The following LHFPL2 variants were observed in gnomAD, a reference collection of about 807,000 sequenced individuals.
LHFPL2 encodes the protein LHFPL tetraspan subfamily member 2 protein.
In LHFPL2, 7 loss-of-function variants were observed where a neutral mutation model predicts 17.5. That is an observed-to-expected ratio of 0.40 (90% CI 0.23 to 0.75). The LOEUF (loss-of-function observed/expected upper bound fraction) is 0.75, where lower values mean the gene tolerates loss of function less well. Among genes scored for constraint, LHFPL2 ranks in the 30% least tolerant of loss-of-function variants. The pLI, the probability that LHFPL2 is intolerant of heterozygous loss-of-function variation, is 0.37. For missense variants in LHFPL2, 241 were observed against 294.8 expected, an observed-to-expected ratio of 0.82 and a Z score of 1.34; for synonymous variants, 134 against 116.2, an observed-to-expected ratio of 1.15 and a Z score of -0.99.
At chr5:78,613,392 A>T (rs1744483160) in intron 2 of LHFPL2, among the ~76,000 whole-genome samples, 1 of 152,190 alleles carries the variant, frequency 6.6e-6, no homozygotes, top group Non-Finnish European at 1.5e-5. Flanking sequence ...GTATGGTGAG[A>T]AAAGGATTCA....
chr5:78,571,155 C>T (rs760711102), intron 2 of LHFPL2, among the ~76,000 whole-genome samples: 9 of 152,128 alleles, frequency 5.9e-5, no homozygotes, highest in Non-Finnish European at 1.3e-4. Flanking sequence ...ACACACCCAC[C>T]CCCAGCTCAT....
rs1402350685 is a variant in LHFPL2, at chr5:78,584,341, T to C, written c.-244-19470A>G. On this transcript the variant is annotated intron_variant, in intron 2 of 4. Coordinates refer to ENST00000380345, the MANE Select transcript of LHFPL2 (RefSeq NM_005779.3). ...TTGCTGGTGAGGAACTGCATTCCTTTGGAGGAGGAGAGGCGCCCTGCTTTT... is the reference window on the plus strand; with the variant it reads ...TTGCTGGTGAGGAACTGCATTCCTTCGGAGGAGGAGAGGCGCCCTGCTTTT... Among the ~76,000 whole-genome samples, 2 of 152,252 alleles carry C rather than the reference T, an allele frequency of 1.3e-5. 1 individual carries two copies. Among genetic ancestry groups the C allele is most frequent in the East Asian group, 3.8e-4 (2 of 5,202 alleles).
At chr5:78,492,732 G>C (rs1205525316) in intron 4 of LHFPL2, among the ~76,000 whole-genome samples, 2 of 152,348 alleles carry the variant, frequency 1.3e-5, no homozygotes, top group South Asian at 4.1e-4. Flanking sequence ...CCTGTGGAAA[G>C]CTTCAGCTTG....
rs370347915 is a variant in LHFPL2 at position 78,510,328 on chromosome 5, C to T, written c.-115G>A. On this transcript the variant is annotated 5_prime_UTR_variant, in exon 4 of 5. Coordinates refer to ENST00000380345, the MANE Select transcript of LHFPL2 (RefSeq NM_005779.3). ...GAAGGAAGTCGCAGCTGCAGTCATT[C>T]ACTCCCGCCGCCGGCCGCGTTCATG... 1.9e-6 allele frequency: 2 copies of T among 1,041,546 alleles called. No homozygotes were observed. The highest frequency in any genetic ancestry group is 2.7e-6 in the Non-Finnish European group (2 of 729,348). 64.5% of individuals were successfully genotyped at this position (1,041,546 alleles called of 1,614,324 possible).
At chr5:78,574,547 T>G (rs994819594) in intron 2 of LHFPL2, among the ~76,000 whole-genome samples, 1 of 152,228 alleles carries the variant, frequency 6.6e-6, no homozygotes, top group Non-Finnish European at 1.5e-5. Flanking sequence ...GAACTATGTC[T>G]CAGATGCATT....
intron 2 of LHFPL2, among the ~76,000 whole-genome samples, chr5:78,580,796 G>C (rs1044361367): frequency 6.6e-6 from 1 of 151,956 alleles, no homozygotes; most frequent in African/African-American, 2.4e-5. Flanking sequence ...CTCCAGCTTT[G>C]TTCTTTTGGC....
chr5:78,618,851 C>A (rs1359220438), intron 2 of LHFPL2, among the ~76,000 whole-genome samples: 1 of 152,122 alleles, frequency 6.6e-6, no homozygotes, highest in Non-Finnish European at 1.5e-5. Flanking sequence ...CTTCGGGACT[C>A]GGAGCCTGAG....
intron 2 of LHFPL2, among the ~76,000 whole-genome samples, chr5:78,574,351 T>C (rs1757075642): frequency 6.6e-6 from 1 of 152,190 alleles, no homozygotes; most frequent in South Asian, 2.1e-4. Context: ...TGGGATATCC[T>C]TCCATGCCCT....
intron 2 of LHFPL2, among the ~76,000 whole-genome samples, chr5:78,604,402 G>T: frequency 6.6e-6 from 1 of 152,162 alleles, no homozygotes; most frequent in South Asian, 2.1e-4. Flanking sequence ...GCTTGAACCC[G>T]GGAGGCGGAG....
At chr5:78,633,405 G>A (rs1004527094) in intron 1 of LHFPL2, among the ~76,000 whole-genome samples, 14 of 152,224 alleles carry the variant, frequency 9.2e-5, no homozygotes, top group Admixed American at 6.5e-4. Context: ...GGGTGGCACC[G>A]TGTAGTGCAG....
chr5:78,556,546 T>G (rs1279610332), intron 3 of LHFPL2, among the ~76,000 whole-genome samples: 1 of 152,208 alleles, frequency 6.6e-6, no homozygotes, highest in Non-Finnish European at 1.5e-5. Context: ...TGGAAATATT[T>G]TTTATAACTA....
chr5:78,536,540 T>A (rs1755955752), intron 3 of LHFPL2, among the ~76,000 whole-genome samples: 1 of 152,236 alleles, frequency 6.6e-6, no homozygotes. Context: ...TACATCCTCA[T>A]GAAAATTTTA....
chr5:78,538,459 C>G (rs917823051), intron 3 of LHFPL2, among the ~76,000 whole-genome samples: 1 of 152,166 alleles, frequency 6.6e-6, no homozygotes, highest in African/African-American at 2.4e-5. Context: ...CACATGTCAA[C>G]GTGACAACAG....
intron 2 of LHFPL2, among the ~76,000 whole-genome samples, chr5:78,581,722 G>A (rs199644846): frequency 4.1e-4 from 61 of 147,660 alleles, no homozygotes; most frequent in Non-Finnish European, 4.7e-4. Flanking sequence ...TTGCATCAAT[G>A]TTCATCAAGG....
chr5:78,539,816 C>CT lies in LHFPL2; in HGVS notation c.-186+24996dup, dbSNP rs11351036. Among the ~76,000 whole-genome samples the CT allele has an allele frequency of 8.8e-3, 1,205 of 137,554 alleles. 9 individuals are homozygous for CT. The highest frequency in any genetic ancestry group is 0.013 in the Non-Finnish European group (844 of 63,580). The allele number at this position is 137,554 out of a possible 152,430, so 90.2% of individuals were successfully genotyped here. ...CTACATGAACCAGGCAAGACTTTTG[C>CT]TTTTTTTTTTTTTTTTTTAAGTTAG... On this transcript the variant is annotated intron_variant, in intron 3 of 4. Transcript: ENST00000380345.
chr5:78,623,268 T>G (rs1580868038), intron 2 of LHFPL2, among the ~76,000 whole-genome samples: 2 of 152,222 alleles, frequency 1.3e-5, no homozygotes, highest in South Asian at 4.1e-4. Context: ...TTAACATTAA[T>G]TTTTATAGCG....
At chr5:78,560,507 G>A (rs988749150) in intron 3 of LHFPL2, among the ~76,000 whole-genome samples, 1 of 152,138 alleles carries the variant, frequency 6.6e-6, no homozygotes, top group Non-Finnish European at 1.5e-5. Flanking sequence ...TGCAACAAAT[G>A]TCAAAGTCAA....
intron 2 of LHFPL2, among the ~76,000 whole-genome samples, chr5:78,589,449 A>G (rs1743548250): frequency 6.7e-6 from 1 of 148,238 alleles, no homozygotes; most frequent in Admixed American, 6.7e-5. Flanking sequence ...CAGTCTGGCA[A>G]CAGGGTTAAC....
intron 2 of LHFPL2, among the ~76,000 whole-genome samples, chr5:78,578,842 C>T (rs1757203118): frequency 6.6e-6 from 1 of 152,160 alleles, no homozygotes; most frequent in African/African-American, 2.4e-5. Context: ...TGTTTGTTCC[C>T]AGCTACCTGT....
Sources: allele counts gnomAD v4.1 joint callset (sites outside exome capture counted in the v4.1 genomes callset), GRCh38; gene constraint gnomAD v4.1.1; transcripts MANE v1.5; gene names NCBI Gene and HGNC (gene_info 2026-07-23, HGNC 2026-07-21).